HS6ST3: variants seen among roughly 807,000 people sequenced by gnomAD.
HS6ST3 encodes heparan sulfate 6-O-sulfotransferase 3, also known as heparan-sulfate 6-O-sulfotransferase 3.
Under a neutral mutation model 36.7 loss-of-function variants are expected in HS6ST3, and 12 were observed. The ratio of observed to expected loss-of-function variants is 0.33; its 90% CI spans 0.21 to 0.53. HS6ST3 has a LOEUF of 0.53. Ranked by LOEUF, HS6ST3 falls within the 20% of genes least tolerant of loss-of-function variation. The probability of loss-of-function intolerance (pLI) is 0.95; values close to 1 mark genes in which losing one functional copy is unlikely to be tolerated. For synonymous variants in HS6ST3, 240 were observed against 257.5 expected (o/e 0.93, Z 0.65); for missense variants, 584 against 640.9 (o/e 0.91, Z 0.96).
At chr13:96,471,779 G>A (rs529786610) in intron 1 of HS6ST3, among the ~76,000 whole-genome samples, 2 of 152,250 alleles carry the variant, frequency 1.3e-5, no homozygotes, top group African/African-American at 4.8e-5. Context: ...TGGAGGGTGG[G>A]GAATGGAATC....
chr13:96,433,742 C>T (rs1456198291), intron 1 of HS6ST3, among the ~76,000 whole-genome samples: 2 of 152,064 alleles, frequency 1.3e-5, no homozygotes, highest in African/African-American at 2.4e-5. Flanking sequence ...CGAGACTGGC[C>T]TGGCCAACAT....
intron 1 of HS6ST3, among the ~76,000 whole-genome samples, chr13:96,661,711 G>A (rs995825330): frequency 3.9e-5 from 6 of 152,206 alleles, no homozygotes; most frequent in African/African-American, 4.8e-5. Flanking sequence ...TTACTTTCAC[G>A]TGTTTTTATG....
chr13:96,771,643 A>G (rs1305906120), intron 1 of HS6ST3, among the ~76,000 whole-genome samples: 1 of 152,170 alleles, frequency 6.6e-6, no homozygotes, highest in Admixed American at 6.5e-5. Flanking sequence ...TCCTCTTTCA[A>G]GGTGCCAAGC....
intron 1 of HS6ST3, among the ~76,000 whole-genome samples, chr13:96,109,999 G>A (rs114642221): frequency 1.1e-3 from 175 of 152,326 alleles, no homozygotes; most frequent in Middle Eastern, 3.4e-3. Flanking sequence ...GAGCTGCAAA[G>A]CACAGAGGCA....
chr13:96,352,571 T>A (rs979966684), intron 1 of HS6ST3, among the ~76,000 whole-genome samples: 6 of 152,152 alleles, frequency 3.9e-5, no homozygotes, highest in Non-Finnish European at 8.8e-5. Flanking sequence ...ATTTTCATAA[T>A]ATCCTGTTGG....
chr13:96,584,877 A>G (rs1213764814), intron 1 of HS6ST3, among the ~76,000 whole-genome samples: 1 of 152,200 alleles, frequency 6.6e-6, no homozygotes, highest in Non-Finnish European at 1.5e-5. Context: ...TGGCTGAGCC[A>G]TTGAGGGTTC....
chr13:96,595,888 C>T (rs913107629), intron 1 of HS6ST3, among the ~76,000 whole-genome samples: 6 of 150,046 alleles, frequency 4.0e-5, no homozygotes, highest in African/African-American at 1.5e-4. Flanking sequence ...AAATTCCAAG[C>T]TCTCTATTCA....
intron 1 of HS6ST3, among the ~76,000 whole-genome samples, chr13:96,504,722 C>A (rs1433289528): frequency 2.0e-5 from 3 of 152,144 alleles, no homozygotes; most frequent in Non-Finnish European, 2.9e-5. Context: ...ACATGACCTT[C>A]TTTTCCCCCT....
intron 1 of HS6ST3, among the ~76,000 whole-genome samples, chr13:96,828,715 A>T (rs573416506): frequency 6.6e-6 from 1 of 152,322 alleles, no homozygotes; most frequent in East Asian, 1.9e-4. Flanking sequence ...GGCACTTCAC[A>T]AGTTTGCTAC....
chr13:96,596,244 A>G (rs1168613940), intron 1 of HS6ST3, among the ~76,000 whole-genome samples: 2 of 152,120 alleles, frequency 1.3e-5, no homozygotes, highest in Non-Finnish European at 1.5e-5. Context: ...AATGGCCTCC[A>G]GCTCCATCCA....
At chr13:96,135,475 A>G (rs762688895) in intron 1 of HS6ST3, among the ~76,000 whole-genome samples, 2 of 152,174 alleles carry the variant, frequency 1.3e-5, no homozygotes, top group East Asian at 1.9e-4. Context: ...GAGTCTAATT[A>G]TAAGAGGAAT....
At chr13:96,428,075 T>C (rs908655205) in intron 1 of HS6ST3, among the ~76,000 whole-genome samples, 1 of 152,196 alleles carries the variant, frequency 6.6e-6, no homozygotes, top group Non-Finnish European at 1.5e-5. Flanking sequence ...GAGGGTGCTA[T>C]ATTAGTTTGA....
At chr13:96,262,511 A>T (rs1299466392) in intron 1 of HS6ST3, among the ~76,000 whole-genome samples, 2 of 151,714 alleles carry the variant, frequency 1.3e-5, no homozygotes, top group African/African-American at 4.8e-5. Context: ...AGTACCTTTT[A>T]AAGTTTTTGA....
rs181450667 is a variant in HS6ST3 at position 96,535,948 on chromosome 13, A to G, written c.708-296542A>G. On this transcript the variant is annotated intron_variant, in intron 1 of 1. Coordinates refer to ENST00000376705, the MANE Select transcript of HS6ST3 (RefSeq NM_153456.4). ...ATAATTTAAAGTGTTACTAATTGAG[A>G]TAGCTCTACAGCGTGAGAGCACTGT... Among the ~76,000 whole-genome samples the G allele has an allele frequency of 6.5e-3, 997 of 152,334 alleles. 17 individuals are homozygous for G. The highest frequency in any genetic ancestry group is 0.022 in the African/African-American group (917 of 41,580).
At chr13:96,685,614 G>T (rs1874754073) in intron 1 of HS6ST3, among the ~76,000 whole-genome samples, 1 of 152,056 alleles carries the variant, frequency 6.6e-6, no homozygotes, top group South Asian at 2.1e-4. Context: ...GCAGTTAGGT[G>T]TGTAATGTGT....
Position 96,091,109 on chromosome 13 carries a change from CGGGGGGCCG to C in HS6ST3, c.248_256del (p.Arg83_Ala86delinsPro). The C allele has an allele frequency of 7.1e-7, 1 of 1,418,066 alleles. No individual in the cohort carries two copies. The highest frequency in any genetic ancestry group is 2.9e-5 in the Admixed American group (1 of 34,188). The allele number at this position is 1,418,066 out of a possible 1,614,324, so 87.8% of individuals were successfully genotyped here. A position where few individuals can be genotyped will look rare whatever the true frequency, so the allele number is the denominator to read the frequency against. On this transcript the variant is annotated inframe_deletion, in exon 1 of 2. Transcript: ENST00000376705. ...GCCCCGGGGGCCCCCCGAGGGACCTCGGGGGGCCGCGGCGCCGGAGGAGGAGGACGAGGA... is the reference window on the plus strand; with the variant it reads ...GCCCCGGGGGCCCCCCGAGGGACCTCCGGCGCCGGAGGAGGAGGACGAGGA...
chr13:96,110,724 G>T (rs575104690), intron 1 of HS6ST3, among the ~76,000 whole-genome samples: 1 of 152,044 alleles, frequency 6.6e-6, no homozygotes, highest in Non-Finnish European at 1.5e-5. Context: ...ACGCCTGGCC[G>T]GGGATCACAT....
At chr13:96,429,001 G>C (rs969405746) in intron 1 of HS6ST3, among the ~76,000 whole-genome samples, 12 of 152,208 alleles carry the variant, frequency 7.9e-5, no homozygotes, top group Admixed American at 3.9e-4. Flanking sequence ...TATTACAGCT[G>C]TAAAACTCAA....
At chr13:96,481,532 A>T (rs1364410610) in intron 1 of HS6ST3, among the ~76,000 whole-genome samples, 3 of 152,152 alleles carry the variant, frequency 2.0e-5, no homozygotes, top group African/African-American at 7.2e-5. Context: ...AGCTCTGCTT[A>T]ACCCCCAGAC....
Sources: allele counts gnomAD v4.1 joint callset (sites outside exome capture counted in the v4.1 genomes callset), GRCh38; gene constraint gnomAD v4.1.1; transcripts MANE v1.5; gene names NCBI Gene and HGNC (gene_info 2026-07-23, HGNC 2026-07-21).